The following ZNF592 variants were observed in gnomAD, a reference collection of about 807,000 sequenced individuals.
The protein encoded by ZNF592 is spinocerebellar ataxia, autosomal recessive 5.
A neutral mutation model predicts 80.3 loss-of-function variants in ZNF592; 11 were observed. That is an observed-to-expected ratio of 0.14 (90% CI 0.09 to 0.23). The LOEUF is 0.23. ZNF592 is among the 10% of genes least tolerant of loss of function. ZNF592 has a pLI of 1.00. For missense variants in ZNF592, 1,420 were observed against 1,633.9 expected (o/e 0.87, Z 2.26); for synonymous variants, 646 against 640.3 (o/e 1.01, Z -0.13).
At chr15:84,761,637 T>A (rs1020746670) in intron 1 of ZNF592, among the ~76,000 whole-genome samples, 9 of 152,086 alleles carry the variant, frequency 5.9e-5, no homozygotes, top group African/African-American at 2.2e-4. Flanking sequence ...GGTCTGGGGG[T>A]AAGCAGGCAA....
chr15:84,749,092 C>T (rs1253033649), intron 1 of ZNF592, among the ~76,000 whole-genome samples: 2 of 152,226 alleles, frequency 1.3e-5, no homozygotes, highest in African/African-American at 4.8e-5. Context: ...GAGCTGTCGC[C>T]GTCACAGGGC....
intron 2 of ZNF592, among the ~76,000 whole-genome samples, chr15:84,770,639 T>G (rs957816431): frequency 7.3e-5 from 11 of 151,716 alleles, no homozygotes; most frequent in Non-Finnish European, 1.6e-4. Flanking sequence ...TCTCCATGTA[T>G]AAAAAATGAA....
chr15:84,761,586 G>A (rs896631082), intron 1 of ZNF592, among the ~76,000 whole-genome samples: 1 of 152,154 alleles, frequency 6.6e-6, no homozygotes, highest in Non-Finnish European at 1.5e-5. Flanking sequence ...GGAAAAGGAA[G>A]GGTCATCCTC....
intron 1 of ZNF592, among the ~76,000 whole-genome samples, chr15:84,750,211 G>T (rs1898975891): frequency 6.6e-6 from 1 of 152,244 alleles, no homozygotes; most frequent in South Asian, 2.1e-4. Context: ...GCTGAGGCAC[G>T]ATAATTGCTT....
rs1963115445 is a variant in ZNF592 at position 84,802,172 on chromosome 15, G to A, written c.3583G>A (p.Ala1195Thr). The A allele has an allele frequency of 3.1e-6, 5 of 1,603,640 alleles. No homozygotes were observed. Among genetic ancestry groups the A allele is most frequent in the African/African-American group, 2.7e-5 (2 of 74,780 alleles). ...AGAGGAGGCGGCGGCAGCGGAGATG[G>A]CAGTGGAGGTGGCAGAGCCAGAGGA... The part of the protein sequence containing the change: ...EEEEAAAAEM[A>T]VEVAEPEEGS... The change falls in exon 11 of 11, where the codon GCA becomes ACA. Residue 1195 changes from alanine (A) to threonine (T), a missense_variant. Coordinates refer to ENST00000560079, the MANE Select transcript of ZNF592 (RefSeq NM_014630.3).
At chr15:84,777,047 AAAAG>A (rs969419139) in intron 2 of ZNF592, among the ~76,000 whole-genome samples, 3 of 152,124 alleles carry the variant, frequency 2.0e-5, no homozygotes, top group South Asian at 2.1e-4. Flanking sequence ...GCGAGAAAAA[AAAAG>A]AAAGAAAAGA....
intron 1 of ZNF592, among the ~76,000 whole-genome samples, chr15:84,759,930 C>T (rs1283135182): frequency 6.8e-6 from 1 of 147,394 alleles, no homozygotes; most frequent in Non-Finnish European, 1.5e-5. Context: ...GAATTTGAGC[C>T]AAGTCTTTAA....
At chr15:84,757,502 C>T (rs1291999235) in intron 1 of ZNF592, among the ~76,000 whole-genome samples, 2 of 151,956 alleles carry the variant, frequency 1.3e-5, no homozygotes, top group East Asian at 1.9e-4. Context: ...GCCACAATGC[C>T]TGGTTAATTA....
At chr15:84,759,766 C>G (rs1412117708) in intron 1 of ZNF592, among the ~76,000 whole-genome samples, 1 of 152,122 alleles carries the variant, frequency 6.6e-6, no homozygotes, top group African/African-American at 2.4e-5. Flanking sequence ...GTGAGGGCAG[C>G]AAAAGAAACA....
rs753718341 is a variant in ZNF592, at chr15:84,796,221, C to CA, written c.2400-1629dup. Among the ~76,000 whole-genome samples the CA allele has an allele frequency of 3.7e-3, 93 of 25,412 alleles. 3 individuals are homozygous for CA. Among genetic ancestry groups the CA allele is most frequent in the East Asian group, 7.4e-3 (6 of 808 alleles). 16.7% of individuals were successfully genotyped at this position (25,412 alleles called of 152,430 possible). A position where few individuals can be genotyped will look rare whatever the true frequency, so the allele number is the denominator to read the frequency against. On this transcript the variant is annotated intron_variant, in intron 5 of 10. Coordinates refer to ENST00000560079, the MANE Select transcript of ZNF592 (RefSeq NM_014630.3). Reference sequence around the variant, plus strand: ...TGGGTGACAAAGCAAGACTCTGTCTCAAAAAAAAAAAAAAAAAAATATATA... The same window carrying CA: ...TGGGTGACAAAGCAAGACTCTGTCTCAAAAAAAAAAAAAAAAAAAATATATA...
intron 10 of ZNF592, among the ~76,000 whole-genome samples, chr15:84,801,197 C>G (rs1358648608): frequency 6.6e-6 from 1 of 152,178 alleles, no homozygotes; most frequent in African/African-American, 2.4e-5. Flanking sequence ...TGGTGGTGTG[C>G]ACCTATAGTT....
At chr15:84,774,358 G>A (rs1962180713) in intron 2 of ZNF592, among the ~76,000 whole-genome samples, 1 of 152,104 alleles carries the variant, frequency 6.6e-6, no homozygotes, top group Non-Finnish European at 1.5e-5. Context: ...AGATTATTGG[G>A]TCCCAAAGCA....
intron 2 of ZNF592, among the ~76,000 whole-genome samples, chr15:84,772,950 C>T (rs1962126543): frequency 1.3e-5 from 2 of 152,122 alleles, no homozygotes; most frequent in South Asian, 4.1e-4. Flanking sequence ...CTGAACTTAG[C>T]ATTGCTGAGG....
chr15:84,802,411 T>C lies in ZNF592; in HGVS notation c.*18T>C. Reference sequence around the variant, plus strand: ...AGGTGTGACCGGAGACTTTGCAGTGTGCATGGTCAGGGGTGGTGCCGAAGT... The same window carrying C: ...AGGTGTGACCGGAGACTTTGCAGTGCGCATGGTCAGGGGTGGTGCCGAAGT... On this transcript the variant is annotated 3_prime_UTR_variant, in exon 11 of 11. Transcript: ENST00000560079. 2 of 1,612,926 alleles carry C rather than the reference T, an allele frequency of 1.2e-6. No homozygotes were observed. Among genetic ancestry groups the C allele is most frequent in the Non-Finnish European group, 1.7e-6 (2 of 1,179,882 alleles).
intron 1 of ZNF592, among the ~76,000 whole-genome samples, chr15:84,752,019 C>T (rs1899029306): frequency 6.6e-6 from 1 of 152,144 alleles, no homozygotes; most frequent in South Asian, 2.1e-4. Context: ...ACCTCCACCT[C>T]CCAAAGTGCT....
chr15:84,802,284 C>T lies in ZNF592; in HGVS notation c.3695C>T (p.Ala1232Val), dbSNP rs201671775. 75 of 1,612,020 alleles carry T rather than the reference C, an allele frequency of 4.7e-5. No homozygotes were observed. The highest frequency in any genetic ancestry group is 8.3e-5 in the Admixed American group (5 of 59,950). The change falls in exon 11 of 11, where the codon GCG becomes GTG. Residue 1232 changes from alanine (A) to valine (V), a missense_variant. Ala to Val is a moderately conservative substitution (Grantham distance 64, BLOSUM62 0). Coordinates refer to ENST00000560079, the MANE Select transcript of ZNF592 (RefSeq NM_014630.3). ...AGEPLSADPE[A>V]RRLLGPAPED... is the part of the protein sequence containing the mutation. ...GAGCCTTTGTCAGCTGACCCAGAGG[C>T]GAGGAGATTGCTGGGCCCGGCCCCT... is the stretch of plus-strand genomic sequence containing the variant.
intron 1 of ZNF592, among the ~76,000 whole-genome samples, chr15:84,756,674 A>G (rs948342575): frequency 1.1e-4 from 17 of 152,178 alleles, no homozygotes; most frequent in Non-Finnish European, 2.1e-4. Flanking sequence ...CTGAGATTAT[A>G]AAAACTATCA....
At chr15:84,769,936 C>G (rs944933923) in intron 2 of ZNF592, among the ~76,000 whole-genome samples, 1 of 152,092 alleles carries the variant, frequency 6.6e-6, no homozygotes, top group Non-Finnish European at 1.5e-5. Context: ...CCACTGTGCC[C>G]AGTGGCAACG....
chr15:84,793,713 G>A (rs1962814662), intron 5 of ZNF592, among the ~76,000 whole-genome samples: 1 of 152,118 alleles, frequency 6.6e-6, no homozygotes, highest in Non-Finnish European at 1.5e-5. Flanking sequence ...CTAGCCCTAG[G>A]CAATCGCTAA....
Sources: gnomAD v4.1 joint callset for allele counts (sites outside exome capture counted in the v4.1 genomes callset) on GRCh38, gnomAD v4.1.1 for gene constraint, MANE v1.5 for transcripts, NCBI Gene and HGNC (gene_info 2026-07-23, HGNC 2026-07-21) for gene names.